The following MEF2B variants were observed in gnomAD, a reference collection of about 807,000 sequenced individuals.
The protein encoded by MEF2B is myocyte-specific enhancer factor 2B.
A neutral mutation model predicts 32.2 loss-of-function variants in MEF2B; 15 were observed. That is an observed-to-expected ratio of 0.47 (90% confidence interval 0.31 to 0.72). MEF2B has a LOEUF of 0.72. Ranked by LOEUF, MEF2B falls within the 30% of genes least tolerant of loss-of-function variation. The pLI, the probability that MEF2B is intolerant of heterozygous loss-of-function variation, is 0.05. For synonymous variants in MEF2B, 205 were observed against 225.6 expected (o/e 0.91, Z 0.82); for missense variants, 441 against 511.5 (o/e 0.86, Z 1.33).
chr19:19,152,015 C>T (rs1265548040), intron 1 of MEF2B, among the ~76,000 whole-genome samples: 1 of 141,012 alleles, frequency 7.1e-6, no homozygotes, highest in Non-Finnish European at 1.5e-5. Context: ...GGCTGGAGGG[C>T]AATGGCGCGA....
chr19:19,168,753 C>A (rs1329880305), intron 1 of MEF2B, among the ~76,000 whole-genome samples: 1 of 152,070 alleles, frequency 6.6e-6, no homozygotes, highest in Admixed American at 6.6e-5. Flanking sequence ...GCCACCACAC[C>A]TGCCTAATTA....
Position 19,146,344 on chromosome 19 carries a change from C to G in MEF2B, c.810G>C (p.Leu270Phe). 1 of 1,132,060 alleles carries G rather than the reference C, an allele frequency of 8.8e-7. No homozygotes were observed. The highest frequency in any genetic ancestry group is 1.2e-6 in the Non-Finnish European group (1 of 849,620). 70.1% of individuals were successfully genotyped at this position (1,132,060 alleles called of 1,614,324 possible). The change falls in exon 8 of 9, where the codon TTG (leucine) becomes TTC (phenylalanine). Residue 270 changes from leucine (L) to phenylalanine (F), a missense_variant. Leu to Phe is a conservative substitution (Grantham distance 22). Transcript: ENST00000424583. ...LGDPPPPPGL[L>F]QPPTLAPWQP... ...GCCAGGGGGCCAGGGTGGGGGGCTG[C>G]AACAAGCCAGGGGGCGGTGGAGGGT...
At chr19:19,150,137 A>G (rs1599721843) in intron 2 of MEF2B, among the ~76,000 whole-genome samples, 5 of 112,226 alleles carry the variant, frequency 4.5e-5, no homozygotes, top group Admixed American at 1.0e-4. Flanking sequence ...GGAAGGAAGG[A>G]GGGAAGGAGG....
At position 19,146,806 on chromosome 19, in the gene MEF2B, G is replaced by A. The variant is rs139889780; in HGVS notation, c.611C>T (p.Thr204Met). The A allele has an allele frequency of 2.5e-5, 41 of 1,613,956 alleles. No homozygotes were observed. The highest frequency in any genetic ancestry group is 2.3e-4 in the Admixed American group (14 of 59,998). Residue 204 changes from threonine to methionine, a missense_variant, in exon 6 of 9, where the codon ACG becomes ATG. By Grantham distance (81) the Thr-to-Met change is moderately conservative. Transcript: ENST00000424583. ...SKTPPPLYLP[T>M]EGRRSDLPGG... ...AGGCAGGTCTGACCTCCGCCCTTCCGTCGGCAGGTACAGTGGGGGTGGTGT... is the reference window on the plus strand; with the variant it reads ...AGGCAGGTCTGACCTCCGCCCTTCCATCGGCAGGTACAGTGGGGGTGGTGT...
intron 1 of MEF2B, among the ~76,000 whole-genome samples, chr19:19,158,948 T>A (rs2060139643): frequency 6.6e-6 from 1 of 151,120 alleles, no homozygotes; most frequent in Non-Finnish European, 1.5e-5. Flanking sequence ...AGTTTTTTTT[T>A]CTTTTTTTTG....
At chr19:19,156,638 C>T (rs1041431002) in intron 1 of MEF2B, among the ~76,000 whole-genome samples, 8 of 152,060 alleles carry the variant, frequency 5.3e-5, no homozygotes, top group African/African-American at 1.4e-4. Flanking sequence ...TTGAAATAGA[C>T]GGGATCTAGC....
chr19:19,149,359 T>C lies in MEF2B; in HGVS notation c.125A>G (p.Glu42Gly). Residue 42 changes from glutamate to glycine, a missense_variant, in exon 3 of 9, where the codon GAG (glutamate) becomes GGG (glycine). Physicochemically the swap from Glu to Gly is moderately conservative, Grantham distance 98. This residue lies in a region of MEF2B where 115 missense variants were observed against 183.1 expected (regional missense o/e 0.63). Transcript: ENST00000424583. ...AYELSVLCDC[E>G]IALIIFNSAN... ...GCTGTTGAAGATGATGAGGGCTATC[T>C]CACAGTCACAGAGCACGCTCAGCTC... The C allele has an allele frequency of 6.2e-7, 1 of 1,613,882 alleles. No homozygotes were observed. The highest frequency in any genetic ancestry group is 8.5e-7 in the Non-Finnish European group (1 of 1,179,996).
At chr19:19,164,505 C>A (rs2060191286) in intron 1 of MEF2B, among the ~76,000 whole-genome samples, 1 of 152,208 alleles carries the variant, frequency 6.6e-6, no homozygotes, top group Admixed American at 6.5e-5. Context: ...GCACAGGCAC[C>A]CTCACCTGCC....
At chr19:19,162,127 A>T (rs1159242165) in intron 1 of MEF2B, among the ~76,000 whole-genome samples, 4 of 148,030 alleles carry the variant, frequency 2.7e-5, no homozygotes, top group African/African-American at 7.5e-5. Context: ...AATTATTATT[A>T]TTTTTTTTTG....
At chr19:19,159,326 C>T (rs967750659) in intron 1 of MEF2B, among the ~76,000 whole-genome samples, 1 of 148,422 alleles carries the variant, frequency 6.7e-6, no homozygotes, top group Non-Finnish European at 1.5e-5. Flanking sequence ...GAGGCTGAGG[C>T]GGGAGGATCA....
intron 3 of MEF2B, among the ~76,000 whole-genome samples, chr19:19,148,199 C>T (rs570808976): frequency 6.6e-6 from 1 of 152,248 alleles, no homozygotes; most frequent in Non-Finnish European, 1.5e-5. Context: ...CGCGGTGGCT[C>T]ACGCCTACAA....
At chr19:19,151,126 G>A (rs1331580007) in intron 1 of MEF2B, among the ~76,000 whole-genome samples, 5 of 152,140 alleles carry the variant, frequency 3.3e-5, no homozygotes, top group South Asian at 2.1e-4. Flanking sequence ...GGTGGCACAC[G>A]TCTATAGTCC....
At chr19:19,149,750 T>A (rs1599721276) in intron 2 of MEF2B, among the ~76,000 whole-genome samples, 1 of 146,022 alleles carries the variant, frequency 6.8e-6, no homozygotes, top group Non-Finnish European at 1.5e-5. Flanking sequence ...ATGGCTGGGG[T>A]TCCAGTCATC....
At position 19,146,744 on chromosome 19, in the gene MEF2B, A is replaced by C. The variant is rs1037950915; in HGVS notation, c.673T>G (p.Ser225Ala). 6.8e-6 allele frequency: 11 copies of C among 1,613,688 alleles called. No homozygotes were observed. In the African/African-American group the frequency reaches 1.3e-4, roughly 20 times the overall value. Residue 225 changes from serine (S) to alanine (A), a missense_variant and splice_region_variant, in exon 6 of 9, where the codon TCC (serine) becomes GCC (alanine). Around this residue, in one of 2 missense-constraint regions of MEF2B, gnomAD observed 326 missense variants for 328.4 expected, o/e 0.99. Transcript: ENST00000424583. ...LAGPRGGLNTSRSLYSGLQNP... is the reference protein window; with the variant it reads ...LAGPRGGLNTARSLYSGLQNP... ...TGCCACACCCTCCCCTCACTCACGG[A>C]GGTGTTTAGTCCCCCTCGGGGCCCA...
intron 1 of MEF2B, among the ~76,000 whole-genome samples, chr19:19,153,607 C>A (rs771280404): frequency 6.6e-6 from 1 of 152,048 alleles, no homozygotes; most frequent in Admixed American, 6.6e-5. Context: ...CGGGCATGCA[C>A]CACCACACCT....
At chr19:19,157,597 C>G (rs1242962037) in intron 1 of MEF2B, among the ~76,000 whole-genome samples, 2 of 152,202 alleles carry the variant, frequency 1.3e-5, no homozygotes, top group African/African-American at 4.8e-5. Context: ...CCTGTAATCC[C>G]AGCACTTTGG....
At chr19:19,150,523 CAAAA>C (rs67741867) in intron 2 of MEF2B, among the ~76,000 whole-genome samples, 155 bp downstream of exon 2, 296 of 103,402 alleles carry the variant, frequency 2.9e-3, no homozygotes, top group Middle Eastern at 0.01. Context: ...GACTTCATCT[CAAAA>C]AAAAAAAAAA....
intron 1 of MEF2B, among the ~76,000 whole-genome samples, chr19:19,152,832 C>G (rs1004997797): frequency 2.0e-5 from 3 of 152,216 alleles, no homozygotes; most frequent in Non-Finnish European, 1.5e-5. Context: ...CCTCGGCTGG[C>G]AGATATGGCA....
intron 1 of MEF2B, among the ~76,000 whole-genome samples, chr19:19,169,038 T>C (rs925346316): frequency 2.6e-5 from 4 of 151,362 alleles, no homozygotes; most frequent in Non-Finnish European, 5.9e-5. Flanking sequence ...GGTGACAGAG[T>C]GAGACTCTGT....
Sources: allele counts gnomAD v4.1 joint callset (sites outside exome capture counted in the v4.1 genomes callset), GRCh38; gene constraint gnomAD v4.1.1; regional missense constraint gnomAD v4.1.1; transcripts MANE v1.5; gene names NCBI Gene and HGNC (gene_info 2026-07-23, HGNC 2026-07-21).